FSTL4: variants seen among roughly 807,000 people sequenced by gnomAD.
The protein encoded by FSTL4 is follistatin-related protein 4.
In FSTL4, 28 loss-of-function variants were observed where a neutral mutation model predicts 78.2. That is an observed-to-expected ratio of 0.36 (90% CI 0.27 to 0.49). The LOEUF (loss-of-function observed/expected upper bound fraction) is 0.49. Ranked by LOEUF, FSTL4 falls within the 20% of genes least tolerant of loss-of-function variation. The pLI, the probability that FSTL4 is intolerant of heterozygous loss-of-function variation, is 0.98. For missense variants in FSTL4, 922 were observed against 1,084.9 expected, an observed-to-expected ratio of 0.85 and a Z score of 2.11; for synonymous variants, 422 against 440.5, an observed-to-expected ratio of 0.96 and a Z score of 0.53.
intron 4 of FSTL4, among the ~76,000 whole-genome samples, chr5:133,319,944 A>C (rs1321724652): frequency 6.6e-6 from 1 of 152,150 alleles, no homozygotes; most frequent in Non-Finnish European, 1.5e-5. Flanking sequence ...TGGACCCTGG[A>C]GGAAAGGCAG....
At chr5:133,714,376 A>T in the FSTL4 span, among the ~76,000 whole-genome samples, 1 of 152,166 alleles carries the variant, frequency 6.6e-6, no homozygotes. Context: ...GCTCAAATGC[A>T]CGCCTGGACA....
chr5:133,383,107 A>G (rs2126954491), intron 4 of FSTL4, among the ~76,000 whole-genome samples: 1 of 152,296 alleles, frequency 6.6e-6, no homozygotes, highest in Middle Eastern at 3.4e-3. Context: ...CCAGCTGGCC[A>G]AGCCCGGCCC....
chr5:133,377,809 T>A (rs1755472421), intron 4 of FSTL4, among the ~76,000 whole-genome samples: 2 of 152,010 alleles, frequency 1.3e-5, no homozygotes, highest in Non-Finnish European at 2.9e-5. Context: ...TCAACAATCT[T>A]CAAGGAAGAT....
At chr5:133,242,947 C>A (rs1352453366) in intron 7 of FSTL4, among the ~76,000 whole-genome samples, 1 of 152,210 alleles carries the variant, frequency 6.6e-6, no homozygotes, top group Non-Finnish European at 1.5e-5. Context: ...GAATTCATGA[C>A]TGGTTCATAT....
At chr5:133,251,923 C>T (rs1752257348) in intron 6 of FSTL4, among the ~76,000 whole-genome samples, 1 of 152,108 alleles carries the variant, frequency 6.6e-6, no homozygotes, top group African/African-American at 2.4e-5. Flanking sequence ...GACTGTGAGC[C>T]CAGATCATGA....
At chr5:133,731,106 A>T in the FSTL4 span, among the ~76,000 whole-genome samples, 1 of 152,070 alleles carries the variant, frequency 6.6e-6, no homozygotes, top group African/African-American at 2.4e-5. Context: ...AAAAGGGGTA[A>T]AGAAACACTG....
At chr5:133,346,663 C>T (rs967769824) in intron 4 of FSTL4, among the ~76,000 whole-genome samples, 25 of 152,116 alleles carry the variant, frequency 1.6e-4, no homozygotes, top group African/African-American at 6.0e-4. Flanking sequence ...TTTTGAAGGT[C>T]TATATCTTAG....
chr5:133,759,751 G>A, the FSTL4 span, among the ~76,000 whole-genome samples: 3,270 of 152,270 alleles, frequency 0.021, 59 homozygotes, highest in Middle Eastern at 0.12. Flanking sequence ...GGAAACACAG[G>A]TCTACTTAAC....
At chr5:133,323,602 C>G (rs1209661217) in intron 4 of FSTL4, among the ~76,000 whole-genome samples, 1 of 152,238 alleles carries the variant, frequency 6.6e-6, no homozygotes, top group South Asian at 2.1e-4. Flanking sequence ...ACACTGACAG[C>G]GTCATTGGCA....
chr5:133,530,198 T>A (rs1395064266), intron 3 of FSTL4, among the ~76,000 whole-genome samples: 1 of 152,170 alleles, frequency 6.6e-6, no homozygotes, highest in African/African-American at 2.4e-5. Context: ...ATCACTGATC[T>A]CAGAGAGAAG....
chr5:133,517,999 C>A (rs545217048), intron 3 of FSTL4, among the ~76,000 whole-genome samples: 2 of 152,206 alleles, frequency 1.3e-5, no homozygotes, highest in South Asian at 4.1e-4. Flanking sequence ...TGAAAAGTAT[C>A]TTCACAGAAA....
chr5:133,231,528 C>T lies in FSTL4; in HGVS notation c.1015+1889G>A, dbSNP rs149614491. ...TAAAAATAATGTGAAATTAATATATCCTAGGCACACACATTCATTTTCTTT... is the reference window on the plus strand; with the variant it reads ...TAAAAATAATGTGAAATTAATATATTCTAGGCACACACATTCATTTTCTTT... On this transcript the variant is annotated intron_variant, in intron 8 of 15. Coordinates refer to ENST00000265342, the MANE Select transcript of FSTL4 (RefSeq NM_015082.2). Among the ~76,000 whole-genome samples the T allele has an allele frequency of 2.3e-4, 35 of 152,226 alleles. No homozygotes were observed. In the East Asian group the frequency reaches 6.0e-3, roughly 26 times the overall value.
the FSTL4 span, among the ~76,000 whole-genome samples, chr5:133,748,592 G>A: frequency 6.6e-6 from 1 of 152,112 alleles, no homozygotes; most frequent in Non-Finnish European, 1.5e-5. Context: ...CACAAAATAA[G>A]ACAAAAGAGA....
At chr5:133,513,987 G>A (rs192818615) in intron 3 of FSTL4, among the ~76,000 whole-genome samples, 318 of 152,152 alleles carry the variant, frequency 2.1e-3, no homozygotes, top group Middle Eastern at 0.01. Context: ...GACCATCCTG[G>A]CTAACACGGT....
At chr5:133,205,369 C>CTA (rs1466120464) in intron 14 of FSTL4, among the ~76,000 whole-genome samples, 1 of 138,746 alleles carries the variant, frequency 7.2e-6, no homozygotes, top group Admixed American at 7.9e-5. Context: ...TTCCTGGATT[C>CTA]TATGTCTTTT....
chr5:133,316,992 CAG>C (rs1341428493), intron 4 of FSTL4, among the ~76,000 whole-genome samples: 1 of 152,196 alleles, frequency 6.6e-6, no homozygotes, highest in African/African-American at 2.4e-5. Flanking sequence ...GGCAGCCCCA[CAG>C]AGGCTTTAGG....
At chr5:133,450,182 C>T (rs907722091) in intron 3 of FSTL4, among the ~76,000 whole-genome samples, 1 of 152,214 alleles carries the variant, frequency 6.6e-6, no homozygotes, top group Non-Finnish European at 1.5e-5. Flanking sequence ...GAAAAAACAG[C>T]CCATGATGCA....
At chr5:133,816,737 T>G in the FSTL4 span, among the ~76,000 whole-genome samples, 3 of 152,118 alleles carry the variant, frequency 2.0e-5, no homozygotes, top group African/African-American at 7.2e-5. Context: ...GCTAATTAGG[T>G]GAAATGAATA....
At chr5:133,786,575 C>T in the FSTL4 span, among the ~76,000 whole-genome samples, 18 of 152,192 alleles carry the variant, frequency 1.2e-4, no homozygotes, top group African/African-American at 2.7e-4. Flanking sequence ...GAGGCCCGAT[C>T]GGTCAAACAA....
Sources: allele counts gnomAD v4.1 joint callset (sites outside exome capture counted in the v4.1 genomes callset), GRCh38; gene constraint gnomAD v4.1.1; transcripts MANE v1.5; gene names NCBI Gene and HGNC (gene_info 2026-07-23, HGNC 2026-07-21).